MARCO: variants seen among roughly 807,000 people sequenced by gnomAD.
MARCO encodes macrophage receptor with collagenous structure.
Under a neutral mutation model 70.0 loss-of-function variants are expected in MARCO, and 72 were observed. That is an observed-to-expected ratio of 1.03 (90% CI 0.85 to 1.25). MARCO has a LOEUF of 1.25. Ranked by LOEUF, MARCO falls within the 50% of genes most tolerant of loss-of-function variation. The pLI is 0.00. For synonymous variants in MARCO, 273 were observed against 243.1 expected, an observed-to-expected ratio of 1.12 and a Z score of -1.14; for missense variants, 696 against 659.3, an observed-to-expected ratio of 1.06 and a Z score of -0.61.
At chr2:118,976,817 A>G (rs1302303557) in intron 6 of MARCO, among the ~76,000 whole-genome samples, 2 of 152,230 alleles carry the variant, frequency 1.3e-5, no homozygotes, top group African/African-American at 4.8e-5. Context: ...CTGCACTGCC[A>G]TGCAGGACAT....
chr2:118,992,011 T>C (rs77989798), intron 14 of MARCO, 136 bp downstream of exon 14: 13,798 of 702,310 alleles, frequency 0.02, 188 homozygotes, highest in Middle Eastern at 0.042. Flanking sequence ...TTTATTTCCT[T>C]GATTGACAAG....
At chr2:118,958,062 T>C (rs1182324151) in intron 1 of MARCO, among the ~76,000 whole-genome samples, 2 of 151,536 alleles carry the variant, frequency 1.3e-5, no homozygotes, top group East Asian at 3.9e-4. Flanking sequence ...TGGGGAAAAA[T>C]TGAAAGCATT....
At chr2:118,955,134 G>T (rs1679811073) in intron 1 of MARCO, among the ~76,000 whole-genome samples, 1 of 152,042 alleles carries the variant, frequency 6.6e-6, no homozygotes, top group African/African-American at 2.4e-5. Context: ...AATTCAGGAG[G>T]TTAGTTATTA....
At chr2:118,953,426 G>A (rs1025333835) in intron 1 of MARCO, among the ~76,000 whole-genome samples, 14 of 152,182 alleles carry the variant, frequency 9.2e-5, no homozygotes, top group Non-Finnish European at 1.8e-4. Context: ...GTTCTATTAT[G>A]CTTTTAATTT....
At chr2:118,972,912 T>C (rs550348401) in intron 4 of MARCO, among the ~76,000 whole-genome samples, 34 of 152,184 alleles carry the variant, frequency 2.2e-4, no homozygotes, top group Non-Finnish European at 4.4e-4. Flanking sequence ...GCTGCCCACC[T>C]CACCCCAGAG....
chr2:118,960,142 A>C (rs1244369868), intron 1 of MARCO, among the ~76,000 whole-genome samples: 1 of 151,474 alleles, frequency 6.6e-6, no homozygotes, highest in African/African-American at 2.4e-5. Flanking sequence ...ATAATAAATA[A>C]AAATAAAACT....
At chr2:118,982,956 A>G (rs1300805344) in intron 12 of MARCO, among the ~76,000 whole-genome samples, 3 of 152,220 alleles carry the variant, frequency 2.0e-5, no homozygotes, top group Non-Finnish European at 4.4e-5. Context: ...GTACCAATAT[A>G]GTCTACTTTA....
At position 118,955,742 on chromosome 2, in the gene MARCO, A is replaced by C. The variant is rs539867421; in HGVS notation, c.97+13345A>C. ...CCTATAAAGGAAAACCTATCAGATT[A>C]ACAGCAGATTTCTCAGCAGAAACCC... On this transcript the variant is annotated intron_variant, in intron 1 of 16. Coordinates refer to ENST00000327097, the MANE Select transcript of MARCO (RefSeq NM_006770.4). Among the ~76,000 whole-genome samples the C allele has an allele frequency of 2.0e-5, 3 of 152,360 alleles. No homozygotes were observed. The South Asian group carries it at 6.2e-4, about 32-fold the overall frequency.
intron 12 of MARCO, among the ~76,000 whole-genome samples, chr2:118,988,192 G>A (rs79753142): frequency 0.022 from 3,418 of 152,234 alleles, 47 homozygotes; most frequent in African/African-American, 0.047. Context: ...TGAGTCCCCT[G>A]GAGGTGAGGA....
In MARCO at chr2:118,949,391, G is replaced by T. The variant is rs1245327777; in HGVS notation, c.97+6994G>T. ...TTTCAATGGCTATGGTTTGCCATAG[G>T]TCTCCTATTTCTACTACTGAGACCT... On this transcript the variant is annotated intron_variant, in intron 1 of 16. Coordinates refer to ENST00000327097, the MANE Select transcript of MARCO (RefSeq NM_006770.4). 2.6e-5 allele frequency: 4 copies of T among 152,164 alleles called. No homozygotes were observed. In the South Asian group the frequency reaches 6.2e-4, roughly 24 times the overall value. 9.4% of individuals were successfully genotyped at this position (152,164 alleles called of 1,614,324 possible). A position where few individuals can be genotyped will look rare whatever the true frequency, so the allele number is the denominator to read the frequency against.
intron 1 of MARCO, among the ~76,000 whole-genome samples, chr2:118,958,163 A>G (rs1367636858): frequency 2.0e-5 from 3 of 151,974 alleles, no homozygotes; most frequent in African/African-American, 4.8e-5. Context: ...CAATCAGACA[A>G]GATTAAAAAA....
chr2:118,975,374 G>A lies in MARCO; in HGVS notation c.613+809G>A, dbSNP rs1680260236. Among the ~76,000 whole-genome samples, 3 of 152,336 alleles carry A rather than the reference G, an allele frequency of 2.0e-5. No homozygotes were observed. In the South Asian group the frequency reaches 6.2e-4, roughly 32 times the overall value. On this transcript the variant is annotated intron_variant, in intron 6 of 16. Transcript: ENST00000327097. ...ATGAGAGGATTTACAAGGGAGTGGG[G>A]AGTAAACAAAGCAGGTCTCTAAGCC... is the stretch of plus-strand genomic sequence containing the variant.
At chr2:118,951,293 C>T (rs906806972) in intron 1 of MARCO, among the ~76,000 whole-genome samples, 1 of 152,224 alleles carries the variant, frequency 6.6e-6, no homozygotes, top group Non-Finnish European at 1.5e-5. Context: ...TCTATGGTAA[C>T]TAAGATTTAG....
Position 118,974,374 on chromosome 2 carries a change from C to T in MARCO, c.502C>T (p.Pro168Ser). ...HKGAMGMPGAPGPPGPPAEKG... is the reference protein window; with the variant it reads ...HKGAMGMPGASGPPGPPAEKG... Reference sequence around the variant, plus strand: ...GGGGGCCATGGGCATGCCTGGTGCCCCTGGCCCGCCGGGACCACCTGCTGA... The same window carrying T: ...GGGGGCCATGGGCATGCCTGGTGCCTCTGGCCCGCCGGGACCACCTGCTGA... The change falls in exon 5 of 17, where the codon CCT becomes TCT. Residue 168 changes from proline (P) to serine (S), a missense_variant. By Grantham distance (74) the Pro-to-Ser change is moderately conservative. Transcript: ENST00000327097. The T allele has an allele frequency of 6.2e-7, 1 of 1,609,282 alleles. No individual in the cohort carries two copies. Among genetic ancestry groups the T allele is most frequent in the South Asian group, 1.1e-5 (1 of 89,830 alleles).
At chr2:118,989,525 C>A (rs1273182613) in intron 12 of MARCO, among the ~76,000 whole-genome samples, 1 of 152,218 alleles carries the variant, frequency 6.6e-6, no homozygotes, top group Non-Finnish European at 1.5e-5. Flanking sequence ...CCCAGAGTCA[C>A]AACTTCTCTT....
chr2:118,994,446 A>G lies in MARCO; in HGVS notation c.1489A>G (p.Ser497Gly), dbSNP rs752555063. Residue 497 changes from serine to glycine, a missense_variant, in exon 17 of 17, where the codon AGC becomes GGC. Coordinates refer to ENST00000327097, the MANE Select transcript of MARCO (RefSeq NM_006770.4). ...TCGGGGCACGGAGAGTACCCTGTGG[A>G]GCTGCACCAAGAATAGCTGGGGCCA... ...QCRGTESTLW[S>G]CTKNSWGHHD... is the part of the protein sequence containing the mutation. 4 of 1,613,796 alleles carry G rather than the reference A, an allele frequency of 2.5e-6. No homozygotes were observed. Among genetic ancestry groups the G allele is most frequent in the Non-Finnish European group, 3.4e-6 (4 of 1,179,952 alleles).
Position 118,990,569 on chromosome 2 carries a change from C to CGGGGGGGG in MARCO, c.1064-20_1064-19insGGGGGGGG. The CGGGGGGGG allele has an allele frequency of 8.5e-6, 12 of 1,415,822 alleles. No homozygotes were observed. The highest frequency in any genetic ancestry group is 1.2e-5 in the Non-Finnish European group (12 of 1,028,194). The allele number at this position is 1,415,822 out of a possible 1,614,324, so 87.7% of individuals were successfully genotyped here. On this transcript the variant is annotated intron_variant, in intron 12 of 16. Transcript: ENST00000327097. Reference sequence around the variant, plus strand: ...AGTTTTATTATCTCCTCCCCCCCCCCTTTTTTGTTTTGATCTTAGGACTTC... The same window carrying CGGGGGGGG: ...AGTTTTATTATCTCCTCCCCCCCCCCGGGGGGGGTTTTTTGTTTTGATCTTAGGACTTC...
At chr2:118,982,741 C>T (rs1680418794) in intron 12 of MARCO, among the ~76,000 whole-genome samples, 1 of 152,202 alleles carries the variant, frequency 6.6e-6, no homozygotes, top group Non-Finnish European at 1.5e-5. Context: ...GCTAACCCTT[C>T]ATTGGGGCCC....
chr2:118,969,139 T>A (rs1680112033), intron 1 of MARCO, 21 bp from the exon 2 acceptor site: 5 of 1,568,140 alleles, frequency 3.2e-6, no homozygotes, highest in Non-Finnish European at 4.4e-6. Context: ...GCAGCCTCCT[T>A]CCTCCTGGCT....
Sources: gnomAD v4.1 joint callset for allele counts (sites outside exome capture counted in the v4.1 genomes callset) on GRCh38, gnomAD v4.1.1 for gene constraint, MANE v1.5 for transcripts, NCBI Gene and HGNC (gene_info 2026-07-23, HGNC 2026-07-21) for gene names.